The following NFIB variants were observed in gnomAD, a reference collection of about 807,000 sequenced individuals.
NFIB encodes nuclear factor I B.
In NFIB, 11 loss-of-function variants were observed where a neutral mutation model predicts 61.5. The observed-to-expected ratio is 0.18, with a 90% confidence interval of 0.11 to 0.30. The LOEUF (loss-of-function observed/expected upper bound fraction) is 0.30, where lower values mean the gene tolerates loss of function less well. Among genes scored for constraint, NFIB ranks in the 10% least tolerant of loss-of-function variants. NFIB has a pLI of 1.00. For missense variants in NFIB, 471 were observed against 608.9 expected (o/e 0.77, Z 2.38); for synonymous variants, 260 against 216.5 (o/e 1.20, Z -1.76).
At chr9:14,156,017 A>T (rs981011467) in intron 3 of NFIB, 124 bp from the exon 4 acceptor site, 2 of 501,352 alleles carry the variant, frequency 4.0e-6, no homozygotes, top group Non-Finnish European at 6.9e-6. Context: ...GCTTACAATA[A>T]GGACTTTAAA....
chr9:14,287,832 T>C (rs1363903899), intron 2 of NFIB, among the ~76,000 whole-genome samples: 3 of 152,130 alleles, frequency 2.0e-5, no homozygotes, highest in East Asian at 3.8e-4. Context: ...GTTATTTTAT[T>C]GTTGGGTGTG....
Position 14,348,556 on chromosome 9 carries a change from G to A in NFIB, c.109-41036C>T, listed in dbSNP as rs555188120. ...TTCGGCTCCAGTTTAGCACGGCACAGGCGGCCCAGCCTTTGATATTTAAGC... is the reference window on the plus strand; with the variant it reads ...TTCGGCTCCAGTTTAGCACGGCACAAGCGGCCCAGCCTTTGATATTTAAGC... On this transcript the variant is annotated intron_variant, in intron 1 of 8. Transcript: ENST00000380934. Among the ~76,000 whole-genome samples the A allele has an allele frequency of 2.2e-4, 33 of 152,366 alleles. No homozygotes were observed. In the South Asian group the frequency reaches 5.6e-3, roughly 26 times the overall value.
rs2038759564 is a variant in NFIB at position 14,120,351 on chromosome 9, G to A, written c.1245+89C>T. 7.2e-7 allele frequency: 1 copy of A among 1,390,514 alleles called. No individual in the cohort carries two copies. The highest frequency in any genetic ancestry group is 1.0e-6 in the Non-Finnish European group (1 of 981,060). The allele number at this position is 1,390,514 out of a possible 1,614,324, so 86.1% of individuals were successfully genotyped here. On this transcript the variant is annotated intron_variant, in intron 8 of 10. Coordinates refer to ENST00000380953, the MANE Select transcript of NFIB (RefSeq NM_001190737.2). The surrounding 1 kb of genome is among the most constrained non-coding windows in gnomAD (Gnocchi z 4.4). ...GATTTCAAGGCTTGACGTTCTGCCA[G>A]ACACACTGTCTGACTAACCTTTGTG...
At chr9:14,254,932 T>G (rs1159065935) in intron 2 of NFIB, among the ~76,000 whole-genome samples, 2 of 152,176 alleles carry the variant, frequency 1.3e-5, no homozygotes, top group African/African-American at 4.8e-5. Context: ...TTTAAAGTAT[T>G]AGCTTATGAA....
intron 3 of NFIB, among the ~76,000 whole-genome samples, chr9:14,174,308 T>C (rs781721323): frequency 3.9e-5 from 6 of 152,216 alleles, no homozygotes; most frequent in Non-Finnish European, 7.3e-5. Context: ...CAAATATTTT[T>C]ATGAATAGAG....
chr9:14,218,804 G>C (rs907430565), intron 2 of NFIB, among the ~76,000 whole-genome samples: 1 of 152,124 alleles, frequency 6.6e-6, no homozygotes. Context: ...TTAACTTTTA[G>C]CCTTGTTAAG....
At chr9:14,193,067 T>G (rs2048122234) in intron 2 of NFIB, among the ~76,000 whole-genome samples, 1 of 151,774 alleles carries the variant, frequency 6.6e-6, no homozygotes, top group African/African-American at 2.4e-5. Flanking sequence ...CAGTACTAAG[T>G]ACAAAATTCT....
At chr9:14,407,488 G>A in the NFIB span, among the ~76,000 whole-genome samples, 2 of 152,214 alleles carry the variant, frequency 1.3e-5, no homozygotes, top group South Asian at 2.1e-4. Flanking sequence ...TCAGGTGCAC[G>A]CCTCTGTTCA....
intron 2 of NFIB, among the ~76,000 whole-genome samples, chr9:14,252,669 G>T (rs898610425): frequency 1.3e-5 from 2 of 148,506 alleles, no homozygotes; most frequent in African/African-American, 5.1e-5. Context: ...GTTACTACTG[G>T]ATACATCCTT....
the NFIB span, among the ~76,000 whole-genome samples, chr9:14,504,222 G>A: frequency 6.6e-6 from 1 of 152,138 alleles, no homozygotes; most frequent in Non-Finnish European, 1.5e-5. Context: ...ATGTTTTGGT[G>A]ACTATGGCCT....
the NFIB span, among the ~76,000 whole-genome samples, chr9:14,523,913 T>G: frequency 6.6e-6 from 1 of 152,318 alleles, no homozygotes; most frequent in Non-Finnish European, 1.5e-5. Flanking sequence ...AACTTGGCTG[T>G]TAATTTCATC....
At chr9:14,443,452 C>T in the NFIB span, among the ~76,000 whole-genome samples, 10 of 152,190 alleles carry the variant, frequency 6.6e-5, no homozygotes, top group African/African-American at 2.4e-5. Flanking sequence ...ACCCACCTGC[C>T]CTTCTTCTTC....
At chr9:14,319,363 T>G (rs1276269940) in intron 1 of NFIB, among the ~76,000 whole-genome samples, 1 of 152,210 alleles carries the variant, frequency 6.6e-6, no homozygotes, top group East Asian at 1.9e-4. Flanking sequence ...CCCAACACTG[T>G]AAGACACTTG....
At chr9:14,223,259 G>C (rs958019229) in intron 2 of NFIB, among the ~76,000 whole-genome samples, 9 of 152,170 alleles carry the variant, frequency 5.9e-5, no homozygotes, top group African/African-American at 1.7e-4. Context: ...GAAATCTATA[G>C]CAGGGGCACA....
chr9:14,124,240 T>A (rs1289875385), intron 7 of NFIB, among the ~76,000 whole-genome samples: 2 of 152,198 alleles, frequency 1.3e-5, no homozygotes, highest in Admixed American at 1.3e-4. Flanking sequence ...AATATTTTCA[T>A]CAGGTGTCGT....
intron 10 of NFIB, among the ~76,000 whole-genome samples, chr9:14,105,525 GT>G (rs1461964692): frequency 6.6e-6 from 1 of 151,970 alleles, no homozygotes; most frequent in Non-Finnish European, 1.5e-5. Flanking sequence ...CTTCATGTTG[GT>G]TTTTTTCAAT....
intron 4 of NFIB, among the ~76,000 whole-genome samples, chr9:14,153,212 C>A (rs957102443): frequency 1.3e-5 from 2 of 152,030 alleles, no homozygotes; most frequent in Non-Finnish European, 2.9e-5. Flanking sequence ...CGGATTTATG[C>A]ATGAGCACTG....
intron 1 of NFIB, among the ~76,000 whole-genome samples, chr9:14,346,833 G>C (rs984686321): frequency 2.0e-5 from 3 of 152,282 alleles, no homozygotes; most frequent in Admixed American, 6.5e-5. Flanking sequence ...AACTCAAGAA[G>C]ACGTCAGAAC....
At position 14,245,707 on chromosome 9, in the gene NFIB, T is replaced by C. The variant is rs981007033; in HGVS notation, c.562+61282A>G. 3.9e-5 allele frequency among the ~76,000 whole-genome samples: 6 copies of C among 151,982 alleles called. No homozygotes were observed. The East Asian group carries it at 1.2e-3, about 29-fold the overall frequency. On this transcript the variant is annotated intron_variant, in intron 2 of 10. Transcript: ENST00000380953. ...GGCCAACATGGCAAAACCCCATTTCTACCAAAAATAGAAAAATCAGCAGGG... is the reference window on the plus strand; with the variant it reads ...GGCCAACATGGCAAAACCCCATTTCCACCAAAAATAGAAAAATCAGCAGGG...
Sources: gnomAD v4.1 joint callset for allele counts (sites outside exome capture counted in the v4.1 genomes callset) on GRCh38, gnomAD v4.1.1 for gene constraint, Gnocchi (gnomAD v3.1) non-coding constraint, MANE v1.5 for transcripts, NCBI Gene and HGNC (gene_info 2026-07-23, HGNC 2026-07-21) for gene names.